Variants in NENF observed in about 807,000 individuals in gnomAD.
NENF encodes the protein neudesin.
NENF carries 6 observed loss-of-function variants against 14.8 expected under a neutral mutation model. That is an observed-to-expected ratio of 0.40 (90% CI 0.22 to 0.80). NENF has a LOEUF of 0.80. Ranked by LOEUF, NENF falls within the 30% of genes least tolerant of loss-of-function variation. The pLI, the probability that NENF is intolerant of heterozygous loss-of-function variation, is 0.34. For missense variants in NENF, 184 were observed against 212.7 expected, an observed-to-expected ratio of 0.87 and a Z score of 0.84; for synonymous variants, 76 against 95.1, an observed-to-expected ratio of 0.80 and a Z score of 1.17.
intron 3 of NENF, among the ~76,000 whole-genome samples, chr1:212,444,710 G>A (rs538867301): frequency 4.9e-4 from 74 of 152,190 alleles, no homozygotes; most frequent in African/African-American, 1.4e-3. Context: ...GTTGCCTAGA[G>A]TCAAGTCCAA....
intron 2 of NENF, 68 bp from the exon 3 acceptor site, chr1:212,444,271 A>G (rs1335423874): frequency 1.9e-6 from 2 of 1,043,492 alleles, no homozygotes; most frequent in South Asian, 3.7e-5. Context: ...GAGCGCCCCC[A>G]CGTGCAAGCT....
rs1417180048 is a variant in NENF at position 212,446,196 on chromosome 1, C to T, written c.*190C>T. On this transcript the variant is annotated 3_prime_UTR_variant, in exon 4 of 4. Transcript: ENST00000366988. ...GTTCTGTCTACCTGGGGACCCCTGT[C>T]TGCACACCAGGGATCAATAAGAGCC... 1.0e-5 allele frequency: 6 copies of T among 594,202 alleles called. No individual in the cohort carries two copies. Among genetic ancestry groups the T allele is most frequent in the Non-Finnish European group, 1.8e-5 (6 of 337,808 alleles). The allele number at this position is 594,202 out of a possible 1,614,324, so 36.8% of individuals were successfully genotyped here. A position where few individuals can be genotyped will look rare whatever the true frequency, so the allele number is the denominator to read the frequency against.
At chr1:212,443,951 C>G (rs1662735765) in intron 2 of NENF, among the ~76,000 whole-genome samples, 1 of 151,860 alleles carries the variant, frequency 6.6e-6, no homozygotes, top group African/African-American at 2.4e-5. Context: ...ACTCTGGAGG[C>G]TGAGGTGGGA....
At chr1:212,439,538 T>A (rs2102568823) in intron 1 of NENF, among the ~76,000 whole-genome samples, 1 of 150,164 alleles carries the variant, frequency 6.7e-6, no homozygotes, top group South Asian at 2.1e-4. Flanking sequence ...GTGAAACTCC[T>A]TCTCATAAAA....
Position 212,442,594 on chromosome 1 carries a change from G to A in NENF, c.207G>A (p.Lys69=), listed in dbSNP as rs1188179263. The A allele has an allele frequency of 5.6e-6, 9 of 1,613,782 alleles. No homozygotes were observed. Among genetic ancestry groups the A allele is most frequent in the Non-Finnish European group, 6.8e-6 (8 of 1,179,710 alleles). ...EEDQPIYLAV[K]GVVFDVTSGK... The stretch of plus-strand genomic sequence containing the variant: ...ATCAGCCCATCTACTTGGCAGTGAA[G>A]GGAGTGGTGTTTGATGTCACCTCCG... Residue 69 remains lysine (K), a synonymous_variant, in exon 2 of 4, where the codon AAG becomes AAA. Coordinates refer to ENST00000366988, the MANE Select transcript of NENF (RefSeq NM_013349.5).
chr1:212,439,875 GAA>G (rs1286086807), intron 1 of NENF, among the ~76,000 whole-genome samples: 1 of 151,558 alleles, frequency 6.6e-6, no homozygotes. Context: ...CACAAAAAAA[GAA>G]AAGAGTGTTA....
At chr1:212,443,196 T>C (rs1662723065) in intron 2 of NENF, among the ~76,000 whole-genome samples, 1 of 152,210 alleles carries the variant, frequency 6.6e-6, no homozygotes, top group African/African-American at 2.4e-5. Context: ...TGATTTACCC[T>C]AGTTGAAGCA....
chr1:212,445,532 C>A (rs1175824043), intron 3 of NENF, among the ~76,000 whole-genome samples: 1 of 152,114 alleles, frequency 6.6e-6, no homozygotes, highest in Non-Finnish European at 1.5e-5. Context: ...GAAGGGGATG[C>A]AGATGCAATA....
chr1:212,443,650 A>T (rs976325371), intron 2 of NENF, among the ~76,000 whole-genome samples: 4 of 152,084 alleles, frequency 2.6e-5, no homozygotes, highest in African/African-American at 9.7e-5. Context: ...TTGGCTTCTC[A>T]GAGTGCTGGG....
At chr1:212,438,617 A>ATTTT (rs757959823) in intron 1 of NENF, among the ~76,000 whole-genome samples, 1 of 124,886 alleles carries the variant, frequency 8.0e-6, no homozygotes, top group Non-Finnish European at 1.7e-5. Context: ...GTGTGTCTGT[A>ATTTT]TTTTTTTTTT....
chr1:212,432,999 T>TACTGGCGCTGGC lies in NENF; in HGVS notation c.56_57insACTGGCGCTGGC (p.Leu20_Ala23dup). ...CGGCCGCTGGCAGCGCTGGCCCTGG[T>TACTGGCGCTGGC]CCTGGCGCTGGCCCCGGGGCTGCCC... On this transcript the variant is annotated inframe_insertion, in exon 1 of 4. Coordinates refer to ENST00000366988, the MANE Select transcript of NENF (RefSeq NM_013349.5). 1.7e-6 allele frequency: 2 copies of TACTGGCGCTGGC among 1,147,716 alleles called. No individual in the cohort carries two copies. The highest frequency in any genetic ancestry group is 2.1e-6 in the Non-Finnish European group (2 of 931,578). 71.1% of individuals were successfully genotyped at this position (1,147,716 alleles called of 1,614,324 possible).
chr1:212,442,654 T>C, intron 2 of NENF, 29 bp downstream of exon 2: 3 of 1,583,800 alleles, frequency 1.9e-6, no homozygotes, highest in Non-Finnish European at 2.6e-6. Context: ...TGAATCTTCA[T>C]TTCCAGGGAG....
intron 1 of NENF, among the ~76,000 whole-genome samples, chr1:212,435,621 C>T (rs1662591843): frequency 6.7e-6 from 1 of 150,256 alleles, no homozygotes; most frequent in Admixed American, 6.7e-5. Context: ...GAACACAGCT[C>T]ACTACAGCCT....
chr1:212,433,141 C>G lies in NENF; in HGVS notation c.177+21C>G, dbSNP rs1376851103. The G allele has an allele frequency of 3.3e-5, 39 of 1,167,334 alleles. 1 individual carries two copies. In the South Asian group the frequency reaches 7.6e-4, roughly 23 times the overall value. 72.3% of individuals were successfully genotyped at this position (1,167,334 alleles called of 1,614,324 possible). A position where few individuals can be genotyped will look rare whatever the true frequency, so the allele number is the denominator to read the frequency against. ...AGGAGGTAGGCGGGGGTGTCGCGGG[C>G]CGAGGGACCCGGGGTGGCGTCCGAT... is the stretch of plus-strand genomic sequence containing the variant. On this transcript the variant is annotated intron_variant, in intron 1 of 3. Coordinates refer to ENST00000366988, the MANE Select transcript of NENF (RefSeq NM_013349.5). The surrounding 1 kb of genome is among the most constrained non-coding windows in gnomAD (Gnocchi z 5.5).
chr1:212,439,123 C>T (rs1370899430), intron 1 of NENF, among the ~76,000 whole-genome samples: 2 of 152,086 alleles, frequency 1.3e-5, no homozygotes, highest in African/African-American at 2.4e-5. Flanking sequence ...GTATCTATGT[C>T]ACTCTGAGGC....
intron 1 of NENF, among the ~76,000 whole-genome samples, chr1:212,440,667 G>A (rs1425649725): frequency 2.6e-5 from 4 of 152,134 alleles, no homozygotes; most frequent in African/African-American, 9.7e-5. Context: ...GCAAGTGGGC[G>A]TTACCCTCAT....
chr1:212,442,685 G>T, intron 2 of NENF, 60 bp downstream of exon 2: 1 of 1,208,402 alleles, frequency 8.3e-7, no homozygotes, highest in African/African-American at 1.5e-5. Flanking sequence ...AGAGTGAGCA[G>T]CACTTGGAGG....
At chr1:212,443,020 T>A (rs1426796459) in intron 2 of NENF, among the ~76,000 whole-genome samples, 1 of 152,120 alleles carries the variant, frequency 6.6e-6, no homozygotes, top group Non-Finnish European at 1.5e-5. Context: ...GTATTACAGG[T>A]GTGAGCCACC....
At chr1:212,439,824 C>T (rs1214049618) in intron 1 of NENF, among the ~76,000 whole-genome samples, 1 of 151,828 alleles carries the variant, frequency 6.6e-6, no homozygotes, top group Non-Finnish European at 1.5e-5. Context: ...TGTGCCACTG[C>T]ACTCCAGCCT....
Sources: allele counts gnomAD v4.1 joint callset (sites outside exome capture counted in the v4.1 genomes callset), GRCh38; gene constraint gnomAD v4.1.1; non-coding constraint Gnocchi (gnomAD v3.1); transcripts MANE v1.5; gene names NCBI Gene and HGNC (gene_info 2026-07-23, HGNC 2026-07-21).